Variants in FAM210A observed in about 807,000 individuals in gnomAD.
FAM210A encodes the protein mitochondrial inner membrane scaffold 1.
In FAM210A, 13 loss-of-function variants were observed where a neutral mutation model predicts 25.3. That is an observed-to-expected ratio of 0.51 (90% confidence interval 0.33 to 0.82). The LOEUF (loss-of-function observed/expected upper bound fraction) is 0.82. Ranked by LOEUF, FAM210A falls within the 40% of genes least tolerant of loss-of-function variation. The pLI is 0.02. For missense variants in FAM210A, 319 were observed against 323.2 expected (o/e 0.99, Z 0.10); for synonymous variants, 125 against 118.7 (o/e 1.05, Z -0.35).
At chr18:13,694,438 G>A (rs2043675536) in intron 1 of FAM210A, among the ~76,000 whole-genome samples, 1 of 152,208 alleles carries the variant, frequency 6.6e-6, no homozygotes, top group Non-Finnish European at 1.5e-5. Flanking sequence ...AACAAAGCTA[G>A]AGGCATCATG....
chr18:13,690,077 C>A (rs1056121182), intron 1 of FAM210A, among the ~76,000 whole-genome samples: 1 of 152,210 alleles, frequency 6.6e-6, no homozygotes, highest in Non-Finnish European at 1.5e-5. Context: ...GCTTTTCCAA[C>A]GGCCTTAGCA....
chr18:13,723,958 C>T (rs2043915222), intron 1 of FAM210A, among the ~76,000 whole-genome samples: 1 of 152,202 alleles, frequency 6.6e-6, no homozygotes, highest in South Asian at 2.1e-4. Flanking sequence ...TCACAGAACA[C>T]TATCTTAGGA....
At chr18:13,678,283 ATT>A (rs879517413) in intron 2 of FAM210A, among the ~76,000 whole-genome samples, 1 of 146,114 alleles carries the variant, frequency 6.8e-6, no homozygotes. Context: ...TAGTTCCAAT[ATT>A]TTTTTTTTTT....
intron 2 of FAM210A, among the ~76,000 whole-genome samples, chr18:13,680,854 A>G (rs937230211): frequency 2.6e-5 from 4 of 152,230 alleles, no homozygotes; most frequent in African/African-American, 9.6e-5. Context: ...AGCAGTGTGA[A>G]GCAAATAACT....
intron 1 of FAM210A, among the ~76,000 whole-genome samples, chr18:13,689,097 G>A (rs985367407): frequency 2.0e-5 from 3 of 152,210 alleles, no homozygotes; most frequent in Non-Finnish European, 4.4e-5. Flanking sequence ...CCCTCCCTGA[G>A]GCATCTGCTT....
intron 1 of FAM210A, among the ~76,000 whole-genome samples, chr18:13,716,353 T>C: frequency 6.6e-6 from 1 of 152,170 alleles, no homozygotes. Flanking sequence ...CAATGATGGA[T>C]CCCGATCAAA....
At chr18:13,674,718 T>G in intron 2 of FAM210A, among the ~76,000 whole-genome samples, 1 of 18,890 alleles carries the variant, frequency 5.3e-5, no homozygotes, top group Non-Finnish European at 1.2e-4. Flanking sequence ...GAGCCCTAGC[T>G]TCTTGATTTC....
In FAM210A at chr18:13,664,016, T is replaced by C. The variant is rs976162233; in HGVS notation, c.*2464A>G. The C allele has an allele frequency of 6.6e-6, 1 of 152,190 alleles. No homozygotes were observed. Among genetic ancestry groups the C allele is most frequent in the Non-Finnish European group, 1.5e-5 (1 of 68,046 alleles). The allele number at this position is 152,190 out of a possible 1,614,324, so 9.4% of individuals were successfully genotyped here. On this transcript the variant is annotated 3_prime_UTR_variant, in exon 4 of 4. Coordinates refer to ENST00000651643, the MANE Select transcript of FAM210A (RefSeq NM_152352.4). Reference sequence around the variant, plus strand: ...TTTAACTTGGCATATTGGTACTGTATTCTGTTAGCCTGCTATTAATACTCC... The same window carrying C: ...TTTAACTTGGCATATTGGTACTGTACTCTGTTAGCCTGCTATTAATACTCC...
At chr18:13,686,182 A>G (rs572430387) in intron 1 of FAM210A, among the ~76,000 whole-genome samples, 1 of 152,164 alleles carries the variant, frequency 6.6e-6, no homozygotes, top group Non-Finnish European at 1.5e-5. Flanking sequence ...AATAACTTTA[A>G]CTCTATGCCT....
intron 2 of FAM210A, among the ~76,000 whole-genome samples, chr18:13,680,783 G>A (rs117415794): frequency 0.017 from 2,581 of 152,306 alleles, 29 homozygotes; most frequent in Middle Eastern, 0.062. Flanking sequence ...CGGACACTGA[G>A]GAATGGGCAC....
At chr18:13,713,725 A>AACACACACACACACACACACACACAC (rs55691136) in intron 1 of FAM210A, among the ~76,000 whole-genome samples, 144 of 142,006 alleles carry the variant, frequency 1.0e-3, no homozygotes, top group African/African-American at 2.3e-3. Flanking sequence ...GTCACTATAA[A>AACACACACACACACACACACACACAC]ACACACACAC....
chr18:13,725,900 C>T (rs943114566), intron 1 of FAM210A, among the ~76,000 whole-genome samples: 1 of 152,144 alleles, frequency 6.6e-6, no homozygotes, highest in Non-Finnish European at 1.5e-5. Flanking sequence ...GTAAGAATGG[C>T]CTCTTGTGGC....
At chr18:13,698,859 C>T (rs914644772) in intron 1 of FAM210A, among the ~76,000 whole-genome samples, 3 of 152,158 alleles carry the variant, frequency 2.0e-5, no homozygotes, top group Admixed American at 6.5e-5. Context: ...AGCCTGTAAG[C>T]GGCAGTGAGC....
intron 1 of FAM210A, among the ~76,000 whole-genome samples, chr18:13,713,561 G>T (rs1191964579): frequency 6.6e-6 from 1 of 152,154 alleles, no homozygotes; most frequent in Non-Finnish European, 1.5e-5. Flanking sequence ...AGTTTCTGAA[G>T]GTAATGCCTG....
intron 1 of FAM210A, among the ~76,000 whole-genome samples, chr18:13,716,671 G>A (rs1360647703): frequency 1.3e-5 from 2 of 152,110 alleles, no homozygotes; most frequent in East Asian, 3.9e-4. Flanking sequence ...TTTCCCCCTT[G>A]CTGATCTCAT....
rs1007050798 is a variant in FAM210A, at chr18:13,664,556, G to A, written c.*1924C>T. On this transcript the variant is annotated 3_prime_UTR_variant, in exon 4 of 4. Transcript: ENST00000651643. Reference sequence around the variant, plus strand: ...GTTAATCATGTTTAGATTTGAAAATGTGGCATCAATGTGAAGCAGTGCATT... The same window carrying A: ...GTTAATCATGTTTAGATTTGAAAATATGGCATCAATGTGAAGCAGTGCATT... The A allele has an allele frequency of 1.3e-5, 2 of 152,164 alleles. No homozygotes were observed. Among genetic ancestry groups the A allele is most frequent in the African/African-American group, 4.8e-5 (2 of 41,440 alleles). The allele number at this position is 152,164 out of a possible 1,614,324, so 9.4% of individuals were successfully genotyped here. A position where few individuals can be genotyped will look rare whatever the true frequency, so the allele number is the denominator to read the frequency against.
At chr18:13,679,015 C>T (rs1013940846) in intron 2 of FAM210A, among the ~76,000 whole-genome samples, 3 of 152,162 alleles carry the variant, frequency 2.0e-5, no homozygotes, top group African/African-American at 7.2e-5. Flanking sequence ...CAGATAGGAG[C>T]GGCAACAAAG....
chr18:13,678,988 T>A (rs117779276), intron 2 of FAM210A, among the ~76,000 whole-genome samples: 1,815 of 152,328 alleles, frequency 0.012, 65 homozygotes, highest in Admixed American at 0.065. Context: ...AGACACCAGA[T>A]CTCTGCAAGG....
At position 13,681,833 on chromosome 18, in the gene FAM210A, C is replaced by A. The variant is rs116967198; in HGVS notation, c.245G>T (p.Arg82Leu). 20 of 1,614,026 alleles carry A rather than the reference C, an allele frequency of 1.2e-5. No individual in the cohort carries two copies. The highest frequency in any genetic ancestry group is 1.6e-5 in the Non-Finnish European group (19 of 1,180,030). ...DAHPPQPGVL[R>L]HKQGKQHVSF... is the part of the protein sequence containing the mutation. ...AACATGTTGCTTCCCTTGCTTATGGCGAAGGACTCCTGGTTGGGGTGGATG... is the reference window on the plus strand; with the variant it reads ...AACATGTTGCTTCCCTTGCTTATGGAGAAGGACTCCTGGTTGGGGTGGATG... The change falls in exon 2 of 4, where the codon CGC becomes CTC. Residue 82 changes from arginine (R) to leucine (L), a missense_variant. Transcript: ENST00000651643.
Sources: allele counts gnomAD v4.1 joint callset (sites outside exome capture counted in the v4.1 genomes callset), GRCh38; gene constraint gnomAD v4.1.1; transcripts MANE v1.5; gene names NCBI Gene and HGNC (gene_info 2026-07-23, HGNC 2026-07-21).